The following SLC25A21 variants were observed in gnomAD, a reference collection of about 807,000 sequenced individuals.
SLC25A21 encodes solute carrier family 25 member 21.
A neutral mutation model predicts 43.8 loss-of-function variants in SLC25A21; 47 were observed. The observed-to-expected ratio is 1.07, with a 90% CI of 0.85 to 1.37. SLC25A21 has a LOEUF of 1.37. Among genes scored for constraint, SLC25A21 ranks in the 40% most tolerant of loss-of-function variants. The pLI, the probability that SLC25A21 is intolerant of heterozygous loss-of-function variation, is 0.00. For synonymous variants in SLC25A21, 131 were observed against 121.3 expected, an observed-to-expected ratio of 1.08 and a Z score of -0.52; for missense variants, 352 against 350.2, an observed-to-expected ratio of 1.00 and a Z score of -0.04.
intron 1 of SLC25A21, among the ~76,000 whole-genome samples, chr14:37,071,414 G>T (rs1364954730): frequency 1.3e-5 from 2 of 151,996 alleles, no homozygotes; most frequent in Non-Finnish European, 2.9e-5. Context: ...CCTTTTCAAT[G>T]AGTTTATAGA....
rs143110854 is a variant in SLC25A21, at chr14:36,873,814, C to A, written c.119+1142G>T. 7.9e-5 allele frequency among the ~76,000 whole-genome samples: 12 copies of A among 152,230 alleles called. No homozygotes were observed. In the East Asian group the frequency reaches 2.3e-3, roughly 29 times the overall value. On this transcript the variant is annotated intron_variant, in intron 2 of 9. Coordinates refer to ENST00000331299, the MANE Select transcript of SLC25A21 (RefSeq NM_030631.4). ...ATAAGAAGAGGAAGAGACAACAGAGCTTCCTCTCTCTGTCATGTAAGTATA... is the reference window on the plus strand; with the variant it reads ...ATAAGAAGAGGAAGAGACAACAGAGATTCCTCTCTCTGTCATGTAAGTATA...
intron 1 of SLC25A21, among the ~76,000 whole-genome samples, chr14:36,950,282 C>T (rs1204094698): frequency 6.6e-6 from 1 of 152,124 alleles, no homozygotes; most frequent in Admixed American, 6.5e-5. Flanking sequence ...CCCCCCAATT[C>T]ATAGGTTAAA....
chr14:36,962,866 C>T (rs1046921003), intron 1 of SLC25A21, among the ~76,000 whole-genome samples: 2 of 152,114 alleles, frequency 1.3e-5, no homozygotes, highest in East Asian at 3.9e-4. Context: ...ACATGAAATT[C>T]ATTTTTAATA....
intron 1 of SLC25A21, among the ~76,000 whole-genome samples, chr14:36,887,652 G>A (rs981159355): frequency 2.0e-5 from 3 of 152,112 alleles, no homozygotes; most frequent in East Asian, 3.9e-4. Context: ...CTGAAGGAGG[G>A]GTTTAAGCTC....
intron 1 of SLC25A21, among the ~76,000 whole-genome samples, chr14:37,086,688 GATA>G (rs1962493044): frequency 1.3e-5 from 2 of 152,108 alleles, no homozygotes; most frequent in African/African-American, 4.8e-5. Flanking sequence ...TTACAATGCG[GATA>G]ATAATAGTAC....
At chr14:36,733,899 A>C (rs1015601719) in intron 4 of SLC25A21, among the ~76,000 whole-genome samples, 2 of 152,170 alleles carry the variant, frequency 1.3e-5, no homozygotes, top group Non-Finnish European at 2.9e-5. Context: ...CTGAACTAGC[A>C]AGTAGTACAT....
chr14:36,680,744 T>TC (rs1187126421), intron 9 of SLC25A21, 25 bp from the exon 10 acceptor site: 2 of 1,606,566 alleles, frequency 1.2e-6, no homozygotes, highest in East Asian at 4.5e-5. Context: ...AGCTGTTTTT[T>TC]ATTGCAAATC....
chr14:36,718,768 C>G (rs1884253915), intron 6 of SLC25A21, among the ~76,000 whole-genome samples: 1 of 152,134 alleles, frequency 6.6e-6, no homozygotes, highest in East Asian at 1.9e-4. Context: ...TAAAAAATCC[C>G]TATCTTTAAA....
At chr14:36,819,550 G>T (rs896655297) in intron 2 of SLC25A21, among the ~76,000 whole-genome samples, 1 of 152,094 alleles carries the variant, frequency 6.6e-6, no homozygotes, top group Non-Finnish European at 1.5e-5. Context: ...CCAAAAGAAA[G>T]ATATGCCTGT....
intron 1 of SLC25A21, among the ~76,000 whole-genome samples, chr14:37,161,192 C>A (rs751356559): frequency 4.6e-5 from 7 of 151,462 alleles, no homozygotes; most frequent in Non-Finnish European, 8.8e-5. Flanking sequence ...AAAGAGTGAC[C>A]AGATAAAAAG....
At chr14:37,163,455 G>C (rs1043790462) in intron 1 of SLC25A21, among the ~76,000 whole-genome samples, 2 of 151,938 alleles carry the variant, frequency 1.3e-5, no homozygotes, top group Non-Finnish European at 2.9e-5. Flanking sequence ...TATAAACCAT[G>C]ATAACATCAA....
chr14:37,060,847 G>A (rs1028806959), intron 1 of SLC25A21, among the ~76,000 whole-genome samples: 4 of 152,162 alleles, frequency 2.6e-5, no homozygotes, highest in Non-Finnish European at 5.9e-5. Context: ...GGAAAAGCAG[G>A]GGAGAGCCCG....
At position 36,734,025 on chromosome 14, in the gene SLC25A21, T is replaced by C. The variant is rs201168476; in HGVS notation, c.270+482A>G. Among the ~76,000 whole-genome samples, 8 of 150,480 alleles carry C rather than the reference T, an allele frequency of 5.3e-5. No individual in the cohort carries two copies. The East Asian group carries it at 1.4e-3, about 26-fold the overall frequency. On this transcript the variant is annotated intron_variant, in intron 4 of 9. Coordinates refer to ENST00000331299, the MANE Select transcript of SLC25A21 (RefSeq NM_030631.4). ...GAGGAGACTAAGGGGGAAAATGAAGTTGGCATTCCAAAAAATTATGTTATA... is the reference window on the plus strand; with the variant it reads ...GAGGAGACTAAGGGGGAAAATGAAGCTGGCATTCCAAAAAATTATGTTATA...
intron 1 of SLC25A21, among the ~76,000 whole-genome samples, chr14:37,087,124 GT>G (rs1375243373): frequency 6.6e-6 from 1 of 152,114 alleles, no homozygotes; most frequent in Non-Finnish European, 1.5e-5. Flanking sequence ...TCATTAAACA[GT>G]TTTTTAATGG....
intron 6 of SLC25A21, among the ~76,000 whole-genome samples, chr14:36,721,802 C>T (rs944763416): frequency 6.6e-6 from 1 of 152,192 alleles, no homozygotes; most frequent in African/African-American, 2.4e-5. Context: ...CTTGGCAGAG[C>T]CATTAGAAGC....
chr14:36,764,649 T>TAC (rs1375833728), intron 3 of SLC25A21, among the ~76,000 whole-genome samples: 2 of 137,214 alleles, frequency 1.5e-5, no homozygotes, highest in South Asian at 5.0e-4. Context: ...CATGCCCACA[T>TAC]ACACACACAC....
intron 1 of SLC25A21, among the ~76,000 whole-genome samples, chr14:37,089,630 A>G (rs1386771264): frequency 1.3e-5 from 2 of 152,096 alleles, no homozygotes; most frequent in Non-Finnish European, 2.9e-5. Flanking sequence ...AGGGGAGGAG[A>G]CTTTCTTAGA....
At chr14:36,830,935 C>T (rs190275575) in intron 2 of SLC25A21, among the ~76,000 whole-genome samples, 15 of 152,310 alleles carry the variant, frequency 9.8e-5, no homozygotes, top group Admixed American at 9.8e-4. Context: ...CCAGCACACA[C>T]ACTTGCACAG....
chr14:36,733,677 C>T (rs1473030196), intron 4 of SLC25A21, among the ~76,000 whole-genome samples: 3 of 152,022 alleles, frequency 2.0e-5, no homozygotes, highest in African/African-American at 7.2e-5. Context: ...GAAAAAAAAC[C>T]TTATGTTGCT....
Sources: gnomAD v4.1 joint callset for allele counts (sites outside exome capture counted in the v4.1 genomes callset) on GRCh38, gnomAD v4.1.1 for gene constraint, MANE v1.5 for transcripts, NCBI Gene and HGNC (gene_info 2026-07-23, HGNC 2026-07-21) for gene names.